The following SLC17A6 variants were observed in gnomAD, a reference collection of about 807,000 sequenced individuals.
SLC17A6 encodes vesicular glutamate transporter 2.
In SLC17A6, 35 loss-of-function variants were observed where a neutral mutation model predicts 67.1. That is an observed-to-expected ratio of 0.52 (90% CI 0.40 to 0.69). SLC17A6 has a LOEUF of 0.69. Ranked by LOEUF, SLC17A6 falls within the 30% of genes least tolerant of loss-of-function variation. The probability of loss-of-function intolerance (pLI) is 0.00; values close to 1 mark genes in which losing one functional copy is unlikely to be tolerated. For synonymous variants in SLC17A6, 285 were observed against 252.3 expected (o/e 1.13, Z -1.23); for missense variants, 588 against 723.9 (o/e 0.81, Z 2.15).
chr11:22,363,688 C>A (rs1856077187), intron 6 of SLC17A6, among the ~76,000 whole-genome samples: 1 of 152,170 alleles, frequency 6.6e-6, no homozygotes. Flanking sequence ...TGTCACTTAT[C>A]ATAGGGACTC....
chr11:22,344,767 G>T (rs1590378630), intron 3 of SLC17A6, among the ~76,000 whole-genome samples: 3 of 152,072 alleles, frequency 2.0e-5, no homozygotes, highest in Non-Finnish European at 4.4e-5. Flanking sequence ...TTATGGATGT[G>T]GTAAATCAAA....
chr11:22,343,254 A>C lies in SLC17A6; in HGVS notation c.347A>C (p.Lys116Thr). ...RGGKVIKEKA[K>T]FNWDPETVGM... ...TTTCCTACCCCTCCATAGAAAGCCAAATTCAACTGGGACCCGGAAACCGTG... is the reference window on the plus strand; with the variant it reads ...TTTCCTACCCCTCCATAGAAAGCCACATTCAACTGGGACCCGGAAACCGTG... Residue 116 changes from lysine (K) to threonine (T), a missense_variant, in exon 3 of 12, where the codon AAA becomes ACA. Physicochemically the swap from Lys to Thr is moderately conservative, Grantham distance 78. Coordinates refer to ENST00000263160, the MANE Select transcript of SLC17A6 (RefSeq NM_020346.3). 6.2e-7 allele frequency: 1 copy of C among 1,613,576 alleles called. No homozygotes were observed. Among genetic ancestry groups the C allele is most frequent in the Non-Finnish European group, 8.5e-7 (1 of 1,179,844 alleles).
chr11:22,360,781 A>G (rs558920023), intron 4 of SLC17A6, 116 bp from the exon 5 acceptor site: 1 of 802,850 alleles, frequency 1.2e-6, no homozygotes, highest in African/African-American at 1.7e-5. Context: ...CCTTAATCAG[A>G]AAAAAAGAAA....
At chr11:22,348,269 G>A (rs976995329) in intron 3 of SLC17A6, among the ~76,000 whole-genome samples, 1 of 152,064 alleles carries the variant, frequency 6.6e-6, no homozygotes, top group Non-Finnish European at 1.5e-5. Flanking sequence ...TCTGCTCTCT[G>A]AATGAGTGAT....
chr11:22,372,661 G>C (rs987237149), intron 8 of SLC17A6, among the ~76,000 whole-genome samples: 15 of 152,000 alleles, frequency 9.9e-5, no homozygotes, highest in Non-Finnish European at 1.5e-5. Context: ...TCTAGACTAT[G>C]ACCCAGAAAA....
chr11:22,342,311 C>A (rs1278354976), intron 2 of SLC17A6, among the ~76,000 whole-genome samples: 1 of 152,034 alleles, frequency 6.6e-6, no homozygotes, highest in Non-Finnish European at 1.5e-5. Flanking sequence ...GGAGTCGCGC[C>A]CAGAGAGGGG....
chr11:22,355,400 C>T (rs1400931738), intron 3 of SLC17A6, among the ~76,000 whole-genome samples: 2 of 152,146 alleles, frequency 1.3e-5, no homozygotes, highest in African/African-American at 4.8e-5. Context: ...CCTCTTCTAC[C>T]ATTAGTGACT....
chr11:22,341,093 C>A (rs1442563122), intron 1 of SLC17A6, among the ~76,000 whole-genome samples: 3 of 152,180 alleles, frequency 2.0e-5, no homozygotes, highest in African/African-American at 7.2e-5. Flanking sequence ...GAGGACACCG[C>A]GGTAGTCAGG....
At chr11:22,360,356 A>G (rs1249312159) in intron 4 of SLC17A6, among the ~76,000 whole-genome samples, 2 of 151,986 alleles carry the variant, frequency 1.3e-5, no homozygotes, top group Admixed American at 1.3e-4. Context: ...AGCATTAGGG[A>G]AAAGAGCTAA....
chr11:22,368,504 C>T (rs188548328), intron 7 of SLC17A6, among the ~76,000 whole-genome samples: 100 of 151,752 alleles, frequency 6.6e-4, no homozygotes, highest in African/African-American at 2.1e-3. Flanking sequence ...CCCTTTAATC[C>T]GCCAACAATT....
chr11:22,362,387 A>G (rs977962712), intron 5 of SLC17A6: 1 of 343,092 alleles, frequency 2.9e-6, no homozygotes, highest in Non-Finnish European at 5.7e-6. Flanking sequence ...TTGAGGTCGC[A>G]AGAATAGATT....
intron 8 of SLC17A6, among the ~76,000 whole-genome samples, chr11:22,374,176 T>C (rs1001179411): frequency 2.0e-5 from 3 of 152,148 alleles, no homozygotes; most frequent in Non-Finnish European, 2.9e-5. Context: ...TGAAATTAAT[T>C]CAGAAACTAT....
chr11:22,363,349 A>G (rs1856073999), intron 6 of SLC17A6, among the ~76,000 whole-genome samples: 1 of 152,240 alleles, frequency 6.6e-6, no homozygotes, highest in African/African-American at 2.4e-5. Flanking sequence ...ATTAAAGGCA[A>G]TTAAGCCTCC....
At chr11:22,368,887 TTTTG>T (rs879639089) in intron 7 of SLC17A6, among the ~76,000 whole-genome samples, 6 of 152,016 alleles carry the variant, frequency 3.9e-5, no homozygotes, top group Non-Finnish European at 8.8e-5. Flanking sequence ...AGATTTTTGT[TTTTG>T]TTTGTTTCTT....
At chr11:22,365,033 T>C (rs1445285645) in intron 6 of SLC17A6, among the ~76,000 whole-genome samples, 4 of 152,162 alleles carry the variant, frequency 2.6e-5, no homozygotes, top group Non-Finnish European at 5.9e-5. Context: ...TAAAATATTC[T>C]AGGTTTTATT....
chr11:22,338,596 A>G lies in SLC17A6; in HGVS notation c.63A>G (p.Gly21=). The G allele has an allele frequency of 6.2e-7, 1 of 1,613,564 alleles. No homozygotes were observed. Among genetic ancestry groups the G allele is most frequent in the Non-Finnish European group, 8.5e-7 (1 of 1,179,660 alleles). The change falls in exon 1 of 12, where the codon GGA becomes GGG. Residue 21 remains glycine (G), a synonymous_variant. Coordinates refer to ENST00000263160, the MANE Select transcript of SLC17A6 (RefSeq NM_020346.3). ...PGKEGLKNFA[G]KSLGQIYRVL... is the part of the protein sequence containing the mutation. ...AAGAGGGGCTAAAGAATTTTGCTGG[A>G]AAATCACTCGGCCAGATCTACAGGT... is the stretch of plus-strand genomic sequence containing the variant.
chr11:22,363,930 C>G (rs1241188037), intron 6 of SLC17A6, among the ~76,000 whole-genome samples: 1 of 152,070 alleles, frequency 6.6e-6, no homozygotes, highest in Non-Finnish European at 1.5e-5. Context: ...CAATTAAATA[C>G]TATGTTTTGT....
intron 7 of SLC17A6, among the ~76,000 whole-genome samples, chr11:22,366,293 T>C (rs892220367): frequency 1.3e-4 from 19 of 151,878 alleles, no homozygotes; most frequent in African/African-American, 4.6e-4. Flanking sequence ...AAATATCTTA[T>C]TGTACTGTAC....
chr11:22,349,339 C>A (rs886866462), intron 3 of SLC17A6, among the ~76,000 whole-genome samples: 1 of 152,196 alleles, frequency 6.6e-6, no homozygotes, highest in African/African-American at 2.4e-5. Flanking sequence ...AATCAAACAT[C>A]TAGCTGCCTT....
Sources: allele counts gnomAD v4.1 joint callset (sites outside exome capture counted in the v4.1 genomes callset), GRCh38; gene constraint gnomAD v4.1.1; transcripts MANE v1.5; gene names NCBI Gene and HGNC (gene_info 2026-07-23, HGNC 2026-07-21).